NFX1: variants seen among roughly 807,000 people sequenced by gnomAD.
NFX1 encodes the protein transcriptional repressor NF-X1.
NFX1 carries 69 observed loss-of-function variants against 137.2 expected under a neutral mutation model. The ratio of observed to expected loss-of-function variants is 0.50; its 90% confidence interval spans 0.41 to 0.61. The LOEUF is 0.61. NFX1 is among the 20% of genes least tolerant of loss of function. The pLI is 0.00. For synonymous variants in NFX1, 495 were observed against 474.1 expected, an observed-to-expected ratio of 1.04 and a Z score of -0.57; for missense variants, 1,167 against 1,391.0, an observed-to-expected ratio of 0.84 and a Z score of 2.56.
At position 33,364,771 on chromosome 9, in the gene NFX1, T is replaced by A; in HGVS notation, c.3036T>A (p.Asn1012Lys). 1 of 1,613,328 alleles carries A rather than the reference T, an allele frequency of 6.2e-7. No homozygotes were observed. The highest frequency in any genetic ancestry group is 1.3e-5 in the African/African-American group (1 of 74,738). Residue 1012 changes from asparagine (N) to lysine (K), a missense_variant, in exon 21 of 24, where the codon AAT becomes AAA. Asn to Lys is a moderately conservative substitution (Grantham distance 94). Coordinates refer to ENST00000379540, the MANE Select transcript of NFX1 (RefSeq NM_002504.6). ...KEMETLVEAV[N>K]KGKNSKKSHS... Reference sequence around the variant, plus strand: ...TGGAAACCCTCGTGGAGGCCGTGAATAAGGTTGAAGTCGAAACATCCCACT... The same window carrying A: ...TGGAAACCCTCGTGGAGGCCGTGAAAAAGGTTGAAGTCGAAACATCCCACT...
intron 19 of NFX1, among the ~76,000 whole-genome samples, chr9:33,357,870 G>A (rs1426627702): frequency 6.6e-6 from 1 of 151,860 alleles, no homozygotes; most frequent in Non-Finnish European, 1.5e-5. Flanking sequence ...TTCACAATTG[G>A]CTTGTTATTA....
At chr9:33,346,926 T>C in intron 14 of NFX1, 112 bp from the exon 15 acceptor site, 1 of 676,578 alleles carries the variant, frequency 1.5e-6, no homozygotes, top group Non-Finnish European at 2.4e-6. Context: ...TCAAAAGTAC[T>C]CCCAGTTTCT....
At chr9:33,347,771 A>G in intron 15 of NFX1, 1 of 334,236 alleles carries the variant, frequency 3.0e-6, no homozygotes, top group Admixed American at 3.4e-5. Context: ...AAAATGTGGA[A>G]CCAGCCCAAC....
chr9:33,364,581 A>T (rs1824114144), intron 20 of NFX1, 127 bp from the exon 21 acceptor site: 1 of 1,077,828 alleles, frequency 9.3e-7, no homozygotes, highest in African/African-American at 1.6e-5. Flanking sequence ...TTTTCTGACA[A>T]TTCCTGATCT....
intron 19 of NFX1, among the ~76,000 whole-genome samples, chr9:33,357,705 CTTTTTTTTT>C (rs78778092): frequency 7.6e-6 from 1 of 132,084 alleles, no homozygotes; most frequent in African/African-American, 2.8e-5. Flanking sequence ...CTAAGATTTT[CTTTTTTTTT>C]TTTTTTTCTT....
chr9:33,351,481 GAAATGTTTAAAGAGAAAGTTA>G (rs1823633567), intron 15 of NFX1, 58 bp from the exon 16 acceptor site: 1 of 1,374,980 alleles, frequency 7.3e-7, no homozygotes, highest in Admixed American at 1.8e-5. Context: ...CATAAGCTTA[GAAATGTTTAAAGAGAAAGTTA>G]AAACTCACCC....
At chr9:33,361,820 G>A (rs1824001177) in intron 19 of NFX1, among the ~76,000 whole-genome samples, 1 of 150,788 alleles carries the variant, frequency 6.6e-6, no homozygotes, top group African/African-American at 2.4e-5. Context: ...CACATAGAGA[G>A]AAACGTTATA....
chr9:33,302,113 A>G (rs995743159), intron 3 of NFX1, among the ~76,000 whole-genome samples: 1 of 152,038 alleles, frequency 6.6e-6, no homozygotes, highest in Non-Finnish European at 1.5e-5. Context: ...TTAAATTTTT[A>G]CTATGCATAC....
At chr9:33,363,253 A>G (rs1048014480) in intron 19 of NFX1, among the ~76,000 whole-genome samples, 1 of 147,632 alleles carries the variant, frequency 6.8e-6, no homozygotes, top group Non-Finnish European at 1.5e-5. Flanking sequence ...AAATAAAATA[A>G]TAAAGAAATG....
chr9:33,328,510 C>A, intron 9 of NFX1, 71 bp from the exon 10 acceptor site: 1 of 1,144,456 alleles, frequency 8.7e-7, no homozygotes, highest in Non-Finnish European at 1.3e-6. Flanking sequence ...ACCAGTGTGG[C>A]TAGCAAATTT....
intron 14 of NFX1, among the ~76,000 whole-genome samples, chr9:33,345,714 A>G (rs35185761): frequency 0.11 from 17,264 of 151,990 alleles, 1,031 homozygotes; most frequent in South Asian, 0.18. Flanking sequence ...GTATTTTTTT[A>G]CAATATAAAC....
chr9:33,340,132 T>A (rs1823165157), intron 12 of NFX1, among the ~76,000 whole-genome samples: 2 of 152,220 alleles, frequency 1.3e-5, no homozygotes, highest in Non-Finnish European at 2.9e-5. Flanking sequence ...ACCCCACATT[T>A]CCCTTCTGTA....
At chr9:33,345,373 A>G (rs1263304203) in intron 14 of NFX1, among the ~76,000 whole-genome samples, 4 of 151,614 alleles carry the variant, frequency 2.6e-5, no homozygotes, top group African/African-American at 9.7e-5. Context: ...GCTACTTGGG[A>G]GGCTGAGGCA....
Position 33,295,010 on chromosome 9 carries a change from G to C in NFX1, c.616G>C (p.Glu206Gln), listed in dbSNP as rs775956279. The change falls in exon 2 of 24, where the codon GAA (glutamate) becomes CAA (glutamine). Residue 206 changes from glutamate (E) to glutamine (Q), a missense_variant. Glu to Gln is a conservative substitution (Grantham distance 29). Around this residue, in one of 3 missense-constraint regions of NFX1, gnomAD observed 367 missense variants for 386.7 expected, o/e 0.95. Coordinates refer to ENST00000379540, the MANE Select transcript of NFX1 (RefSeq NM_002504.6). ...TTPKPEDAGP[E>Q]STKPVGVFHP... ...TCCAAAACCGGAGGATGCTGGACCC[G>C]AAAGTACCAAACCTGTGGGGGTTTT... The C allele has an allele frequency of 6.2e-7, 1 of 1,614,024 alleles. No individual in the cohort carries two copies. Among genetic ancestry groups the C allele is most frequent in the East Asian group, 2.2e-5 (1 of 44,900 alleles).
Position 33,369,922 on chromosome 9 carries a change from A to C in NFX1, c.3307A>C (p.Asn1103His). 6.2e-7 allele frequency: 1 copy of C among 1,613,552 alleles called. No individual in the cohort carries two copies. Among genetic ancestry groups the C allele is most frequent in the Non-Finnish European group, 8.5e-7 (1 of 1,179,494 alleles). ...HQSDKNPGSS[N>H]LQKITKEPII... ...GTTTTTCAGGAATCCTGGGAGCAGTAATTTACAGAAAATAACCAAGGAGCC... is the reference window on the plus strand; with the variant it reads ...GTTTTTCAGGAATCCTGGGAGCAGTCATTTACAGAAAATAACCAAGGAGCC... Residue 1103 changes from asparagine to histidine, a missense_variant, in exon 24 of 24, where the codon AAT (asparagine) becomes CAT (histidine). Around this residue, in one of 3 missense-constraint regions of NFX1, gnomAD observed 312 missense variants for 312.8 expected, o/e 1.00. Coordinates refer to ENST00000379540, the MANE Select transcript of NFX1 (RefSeq NM_002504.6).
At chr9:33,332,877 G>A (rs1281420287) in intron 11 of NFX1, among the ~76,000 whole-genome samples, 2 of 152,218 alleles carry the variant, frequency 1.3e-5, no homozygotes, top group South Asian at 4.2e-4. Flanking sequence ...ACGGAGTCTC[G>A]CTCTGTTTCG....
intron 3 of NFX1, among the ~76,000 whole-genome samples, chr9:33,302,838 T>A (rs553737040): frequency 2.8e-4 from 42 of 151,900 alleles, no homozygotes; most frequent in Non-Finnish European, 5.1e-4. Context: ...CCCAGCTAAT[T>A]TTTGCATTTT....
chr9:33,357,195 G>A (rs1442717407), intron 19 of NFX1, among the ~76,000 whole-genome samples: 2 of 152,000 alleles, frequency 1.3e-5, no homozygotes, highest in African/African-American at 2.4e-5. Flanking sequence ...CCAGCTACTC[G>A]GGAAGCTGAG....
intron 9 of NFX1, among the ~76,000 whole-genome samples, chr9:33,328,193 CT>C (rs35183496): frequency 3.3e-3 from 460 of 139,732 alleles, no homozygotes; most frequent in Admixed American, 4.0e-3. Flanking sequence ...TGTTTTTGTG[CT>C]TTTTTTTTTT....
Sources: gnomAD v4.1 joint callset for allele counts (sites outside exome capture counted in the v4.1 genomes callset) on GRCh38, gnomAD v4.1.1 for gene constraint, gnomAD v4.1.1 regional missense constraint, MANE v1.5 for transcripts, NCBI Gene and HGNC (gene_info 2026-07-23, HGNC 2026-07-21) for gene names.